Variants in LRBA observed in about 807,000 individuals in gnomAD.
LRBA encodes the protein lipopolysaccharide-responsive and beige-like anchor protein.
Under a neutral mutation model 330.0 loss-of-function variants are expected in LRBA, and 176 were observed. The ratio of observed to expected loss-of-function variants is 0.53; its 90% confidence interval spans 0.47 to 0.60. LRBA has a LOEUF of 0.60. Ranked by LOEUF, LRBA falls within the 20% of genes least tolerant of loss-of-function variation. The pLI is 0.00. For synonymous variants in LRBA, 1,230 were observed against 1,193.0 expected (o/e 1.03, Z -0.64); for missense variants, 3,259 against 3,444.8 (o/e 0.95, Z 1.35).
intron 30 of LRBA, 133 bp downstream of exon 30, chr4:150,828,047 G>GGTA: frequency 1.5e-6 from 1 of 679,554 alleles, no homozygotes; most frequent in South Asian, 1.9e-5. Flanking sequence ...ATAAGCTATT[G>GGTA]GTAGTTAAGT....
chr4:150,567,712 T>A (rs527358659), intron 40 of LRBA, among the ~76,000 whole-genome samples: 5 of 152,296 alleles, frequency 3.3e-5, no homozygotes, highest in Admixed American at 2.6e-4. Flanking sequence ...TCATTTCAAT[T>A]GAGTTTTGCA....
Position 150,852,959 on chromosome 4 carries a change from A to T in LRBA, c.2767-16T>A. 6.7e-7 allele frequency: 1 copy of T among 1,501,278 alleles called. No individual in the cohort carries two copies. 93.0% of individuals were successfully genotyped at this position (1,501,278 alleles called of 1,614,324 possible). Reference sequence around the variant, plus strand: ...CAAAAGTGACCTAGGTGAAAAATGTACAATCAGTTAAAATATGCATGAGAA... The same window carrying T: ...CAAAAGTGACCTAGGTGAAAAATGTTCAATCAGTTAAAATATGCATGAGAA... On this transcript the variant is annotated splice_polypyrimidine_tract_variant and intron_variant, in intron 22 of 56. Transcript: ENST00000651943.
At chr4:150,728,181 A>C (rs1453262512) in intron 36 of LRBA, among the ~76,000 whole-genome samples, 1 of 152,178 alleles carries the variant, frequency 6.6e-6, no homozygotes, top group African/African-American at 2.4e-5. Context: ...AACCTAACAG[A>C]CCAATAACAA....
intron 47 of LRBA, among the ~76,000 whole-genome samples, chr4:150,399,923 C>T (rs766317162): frequency 4.6e-5 from 7 of 152,108 alleles, no homozygotes; most frequent in Admixed American, 6.5e-5. Flanking sequence ...TTTCAGTGGG[C>T]GGAGATCGCA....
At chr4:150,592,261 T>G (rs1211693956) in intron 38 of LRBA, among the ~76,000 whole-genome samples, 1 of 148,070 alleles carries the variant, frequency 6.8e-6, no homozygotes, top group Non-Finnish European at 1.5e-5. Flanking sequence ...TATATATATA[T>G]CTATATAATT....
intron 9 of LRBA, among the ~76,000 whole-genome samples, chr4:150,912,052 T>C (rs1319668154): frequency 6.6e-6 from 1 of 152,214 alleles, no homozygotes; most frequent in Non-Finnish European, 1.5e-5. Flanking sequence ...CCTTAATTTC[T>C]GATTTTACTT....
chr4:150,831,581 T>C (rs747203061), intron 29 of LRBA, among the ~76,000 whole-genome samples: 1 of 152,228 alleles, frequency 6.6e-6, no homozygotes. Flanking sequence ...ACTCTTTTTG[T>C]ATAACATTTT....
intron 23 of LRBA, 111 bp downstream of exon 23, chr4:150,851,774 T>C (rs926637185): frequency 1.2e-5 from 13 of 1,112,906 alleles, no homozygotes; most frequent in Admixed American, 9.5e-5. Flanking sequence ...ATTTATTTAG[T>C]TGTGAATAGC....
chr4:150,968,622 G>C (rs1315285292), intron 2 of LRBA, among the ~76,000 whole-genome samples: 2 of 152,192 alleles, frequency 1.3e-5, no homozygotes, highest in Non-Finnish European at 2.9e-5. Flanking sequence ...GTGGAAGCCA[G>C]CAGAGGCTTA....
At chr4:150,848,333 C>T (rs1359051028) in intron 26 of LRBA, among the ~76,000 whole-genome samples, 1 of 152,038 alleles carries the variant, frequency 6.6e-6, no homozygotes, top group Non-Finnish European at 1.5e-5. Flanking sequence ...ATAATCTAAT[C>T]TGCATTTTAA....
chr4:150,266,874 T>C (rs565590976), intron 56 of LRBA, among the ~76,000 whole-genome samples: 1 of 152,274 alleles, frequency 6.6e-6, no homozygotes, highest in East Asian at 1.9e-4. Context: ...GGAAAAGATA[T>C]TCCGTGTAAG....
chr4:150,593,244 T>C (rs1773107941), intron 38 of LRBA, among the ~76,000 whole-genome samples: 1 of 152,208 alleles, frequency 6.6e-6, no homozygotes, highest in Non-Finnish European at 1.5e-5. Context: ...TCTTTTTATT[T>C]CTTGGATTTA....
chr4:150,675,588 C>T (rs922623932), intron 37 of LRBA, among the ~76,000 whole-genome samples: 1 of 151,818 alleles, frequency 6.6e-6, no homozygotes, highest in African/African-American at 2.4e-5. Context: ...TGTGGTGGCA[C>T]GTGCCTGTAG....
intron 40 of LRBA, among the ~76,000 whole-genome samples, chr4:150,497,854 T>C (rs1051524901): frequency 1.3e-5 from 2 of 152,122 alleles, no homozygotes; most frequent in Admixed American, 6.5e-5. Flanking sequence ...CAGCAAATGA[T>C]GTATCAGCTC....
intron 2 of LRBA, among the ~76,000 whole-genome samples, chr4:150,953,268 C>T (rs1379011457): frequency 6.6e-6 from 1 of 152,148 alleles, no homozygotes; most frequent in African/African-American, 2.4e-5. Flanking sequence ...ACCTCACGAA[C>T]ATCTATAGGA....
chr4:150,986,886 G>C lies in LRBA; in HGVS notation c.216+27541C>G, dbSNP rs551488012. ...AATGATACTCGTGCGATAGGTGAAA[G>C]GAGAGAAAGGGAATCTGTGGAAACT... On this transcript the variant is annotated intron_variant, in intron 2 of 56. Coordinates refer to ENST00000651943, the MANE Select transcript of LRBA (RefSeq NM_001364905.1). 8.5e-5 allele frequency among the ~76,000 whole-genome samples: 13 copies of C among 152,322 alleles called. No homozygotes were observed. The East Asian group carries it at 1.9e-3, about 23-fold the overall frequency.
intron 36 of LRBA, among the ~76,000 whole-genome samples, chr4:150,712,250 T>C (rs1582120294): frequency 6.6e-6 from 1 of 152,314 alleles, no homozygotes; most frequent in East Asian, 1.9e-4. Context: ...ACCTGACCCA[T>C]AAAATGTATG....
At chr4:150,867,952 C>T in intron 21 of LRBA, 89 bp from the exon 22 acceptor site, 6 of 1,100,134 alleles carry the variant, frequency 5.5e-6, no homozygotes, top group South Asian at 3.3e-5. Flanking sequence ...AACCCTGCCC[C>T]TCCCTTTCCC....
At chr4:150,472,330 G>A (rs1340705533) in intron 42 of LRBA, among the ~76,000 whole-genome samples, 1 of 151,972 alleles carries the variant, frequency 6.6e-6, no homozygotes, top group Middle Eastern at 3.2e-3. Context: ...AAAGAGTAGT[G>A]AGAAACAGAT....
Sources: allele counts gnomAD v4.1 joint callset (sites outside exome capture counted in the v4.1 genomes callset), GRCh38; gene constraint gnomAD v4.1.1; transcripts MANE v1.5; gene names NCBI Gene and HGNC (gene_info 2026-07-23, HGNC 2026-07-21).